The following PCLO variants were observed in gnomAD, a reference collection of about 807,000 sequenced individuals.
PCLO encodes piccolo presynaptic cytomatrix protein.
PCLO carries 82 observed loss-of-function variants against 427.5 expected under a neutral mutation model. The observed-to-expected ratio is 0.19, with a 90% CI of 0.16 to 0.23. The LOEUF is 0.23. Ranked by LOEUF, PCLO falls within the 10% of genes least tolerant of loss-of-function variation. PCLO has a pLI of 1.00. For synonymous variants in PCLO, 2,357 were observed against 2,155.4 expected, an observed-to-expected ratio of 1.09 and a Z score of -2.59; for missense variants, 6,239 against 6,115.9, an observed-to-expected ratio of 1.02 and a Z score of -0.67.
intron 22 of PCLO, among the ~76,000 whole-genome samples, chr7:82,794,450 A>ATTTTTTTCTGTTTTTTTT (rs1791172788): frequency 1.6e-5 from 1 of 62,030 alleles, no homozygotes; most frequent in African/African-American, 4.1e-5. Flanking sequence ...TAGTTCATAA[A>ATTTTTTTCTGTTTTTTTT]TTTTTTTTCT....
intron 3 of PCLO, among the ~76,000 whole-genome samples, chr7:82,976,276 A>T (rs1454743074): frequency 6.6e-6 from 1 of 152,112 alleles, no homozygotes; most frequent in Non-Finnish European, 1.5e-5. Flanking sequence ...GTGAGAAGGG[A>T]CAGGCATTCT....
Position 82,953,134 on chromosome 7 carries a change from C to T in PCLO, c.7819G>A (p.Gly2607Arg), listed in dbSNP as rs948810375. 1.2e-6 allele frequency: 2 copies of T among 1,613,750 alleles called. No homozygotes were observed. Among genetic ancestry groups the T allele is most frequent in the Admixed American group, 1.7e-5 (1 of 59,976 alleles). Residue 2607 changes from glycine to arginine, a missense_variant, in exon 5 of 25, where the codon GGA (glycine) becomes AGA (arginine). By Grantham distance (125) the Gly-to-Arg change is moderately radical. Around this residue, in one of 5 missense-constraint regions of PCLO, gnomAD observed 4,677 missense variants for 4,468.4 expected, o/e 1.05. Transcript: ENST00000333891. ...ASQAITSWPL[G>R]SPSKDLVSVE... is the part of the protein sequence containing the mutation. ...GAAACCAGATCTTTGGAGGGTGATC[C>T]CAAGGGCCAACTGGTAATTGCTTGA...
At chr7:82,867,678 A>G (rs1187793742) in intron 10 of PCLO, among the ~76,000 whole-genome samples, 1 of 152,220 alleles carries the variant, frequency 6.6e-6, no homozygotes, top group Non-Finnish European at 1.5e-5. Context: ...CTGAACACAG[A>G]AATACCTCAA....
intron 3 of PCLO, among the ~76,000 whole-genome samples, chr7:82,985,509 T>C (rs1345862260): frequency 6.6e-6 from 1 of 151,962 alleles, no homozygotes; most frequent in Non-Finnish European, 1.5e-5. Context: ...TATTATCTTG[T>C]GGATGCTGAT....
At chr7:83,110,278 T>A (rs17157196) in intron 3 of PCLO, among the ~76,000 whole-genome samples, 11 of 151,956 alleles carry the variant, frequency 7.2e-5, no homozygotes, top group Admixed American at 3.9e-4. Context: ...GATATTAAGA[T>A]CCGAGAACAC....
intron 3 of PCLO, among the ~76,000 whole-genome samples, chr7:83,059,264 G>A (rs1978177): frequency 0.78 from 112,623 of 145,148 alleles, 44,535 homozygotes; most frequent in African/African-American, 0.92. Flanking sequence ...TTCTACTCAA[G>A]CAGTCACTTC....
chr7:82,882,664 G>C (rs1033830285), intron 9 of PCLO, among the ~76,000 whole-genome samples: 2 of 152,030 alleles, frequency 1.3e-5, no homozygotes, highest in African/African-American at 4.8e-5. Flanking sequence ...ATAGAAAAGA[G>C]AAATTCAATG....
In PCLO at chr7:82,952,999, G is replaced by C. The variant is rs369629236; in HGVS notation, c.7954C>G (p.Pro2652Ala). The change falls in exon 5 of 25, where the codon CCT becomes GCT. Residue 2652 changes from proline (P) to alanine (A), a missense_variant. Pro to Ala is a conservative substitution (Grantham distance 27, BLOSUM62 -1). Around this residue, in one of 5 missense-constraint regions of PCLO, gnomAD observed 4,677 missense variants for 4,468.4 expected, o/e 1.05. Coordinates refer to ENST00000333891, the MANE Select transcript of PCLO (RefSeq NM_033026.6). ...SGALQTFSAT[P>A]VTAPSSFQAA... is the part of the protein sequence containing the mutation. ...TGAAATGAAGAGGGTGCTGTGACAG[G>C]GGTAGCAGAAAATGTCTGTAAAGCT... is the stretch of plus-strand genomic sequence containing the variant. The C allele has an allele frequency of 6.2e-7, 1 of 1,613,896 alleles. No individual in the cohort carries two copies. Among genetic ancestry groups the C allele is most frequent in the South Asian group, 1.1e-5 (1 of 91,084 alleles).
chr7:82,960,525 T>C (rs1035305671), intron 4 of PCLO, among the ~76,000 whole-genome samples: 1 of 152,212 alleles, frequency 6.6e-6, no homozygotes, highest in Non-Finnish European at 1.5e-5. Flanking sequence ...TTTCGTGTAC[T>C]ATATCAAATA....
chr7:82,942,912 T>A (rs1241016280), intron 6 of PCLO, among the ~76,000 whole-genome samples: 1 of 152,100 alleles, frequency 6.6e-6, no homozygotes, highest in African/African-American at 2.4e-5. Context: ...AAAACAGTTT[T>A]AAAGTTAGTT....
chr7:82,897,746 A>G (rs1793941276), intron 9 of PCLO, among the ~76,000 whole-genome samples: 1 of 151,496 alleles, frequency 6.6e-6, no homozygotes, highest in East Asian at 1.9e-4. Flanking sequence ...TGTGAGTTAC[A>G]GAAACAGTTT....
intron 9 of PCLO, among the ~76,000 whole-genome samples, chr7:82,896,918 T>C (rs554522396): frequency 1.3e-5 from 2 of 151,834 alleles, no homozygotes; most frequent in East Asian, 3.9e-4. Flanking sequence ...CAGTCCATTA[T>C]GGAACTGTAC....
At chr7:82,816,050 C>T (rs1488506685) in intron 20 of PCLO, among the ~76,000 whole-genome samples, 2 of 151,884 alleles carry the variant, frequency 1.3e-5, no homozygotes, top group African/African-American at 4.8e-5. Context: ...TTTACATGTA[C>T]AGCACAGTAA....
rs1562932835 is a variant in PCLO at position 83,038,014 on chromosome 7, TATA to T, written c.3301-71530_3301-71528del. 1.6e-4 allele frequency among the ~76,000 whole-genome samples: 8 copies of T among 50,836 alleles called. 2 individuals carry two copies. Among genetic ancestry groups the T allele is most frequent in the African/African-American group, 8.0e-4 (8 of 9,976 alleles). 33.4% of individuals were successfully genotyped at this position (50,836 alleles called of 152,430 possible). A position where few individuals can be genotyped will look rare whatever the true frequency, so the allele number is the denominator to read the frequency against. ...TTATATATATATATATATATATATATATATATATATATATATTTATATATTTAT... is the reference window on the plus strand; with the variant it reads ...TTATATATATATATATATATATATATTATATATATATATTTATATATTTAT... On this transcript the variant is annotated intron_variant, in intron 3 of 24. Transcript: ENST00000333891.
intron 9 of PCLO, among the ~76,000 whole-genome samples, chr7:82,902,041 A>G (rs540742466): frequency 2.1e-3 from 315 of 151,926 alleles, no homozygotes; most frequent in South Asian, 0.014. Flanking sequence ...ATCTAGAACT[A>G]GAAATATCAT....
chr7:83,097,187 TATTA>T (rs1790607378), intron 3 of PCLO, among the ~76,000 whole-genome samples: 5 of 124,176 alleles, frequency 4.0e-5, no homozygotes, highest in Admixed American at 1.1e-4. Context: ...ATATATTATA[TATTA>T]TATTATTATA....
intron 3 of PCLO, among the ~76,000 whole-genome samples, chr7:82,970,937 A>T (rs1232473986): frequency 6.6e-6 from 1 of 151,878 alleles, no homozygotes; most frequent in Non-Finnish European, 1.5e-5. Context: ...TGACCAGAAA[A>T]ATTTGCTTCT....
chr7:82,794,610 C>A (rs969531740), intron 22 of PCLO, among the ~76,000 whole-genome samples: 1 of 150,756 alleles, frequency 6.6e-6, no homozygotes, highest in Non-Finnish European at 1.5e-5. Context: ...GCAGCTGGAA[C>A]CACAGGCATG....
chr7:82,957,014 C>T, intron 4 of PCLO, 79 bp from the exon 5 acceptor site: 1 of 1,348,848 alleles, frequency 7.4e-7, no homozygotes, highest in African/African-American at 1.5e-5. Context: ...TACCAAATAA[C>T]TATTAGGAAC....
Sources: gnomAD v4.1 joint callset for allele counts (sites outside exome capture counted in the v4.1 genomes callset) on GRCh38, gnomAD v4.1.1 for gene constraint, gnomAD v4.1.1 regional missense constraint, MANE v1.5 for transcripts, NCBI Gene and HGNC (gene_info 2026-07-23, HGNC 2026-07-21) for gene names.